The following DGKK variants were observed in gnomAD, a reference collection of about 807,000 sequenced individuals.
DGKK encodes the protein diacylglycerol kinase kappa, also known as 142 kDa diacylglycerol kinase.
In DGKK, 35 loss-of-function variants were observed where a neutral mutation model predicts 92.2. The ratio of observed to expected loss-of-function variants is 0.38; its 90% CI spans 0.29 to 0.50. The LOEUF is 0.50. Ranked by LOEUF, DGKK falls within the 20% of genes least tolerant of loss-of-function variation. The pLI is 0.92. For synonymous variants in DGKK, 368 were observed against 360.6 expected, an observed-to-expected ratio of 1.02 and a Z score of -0.23; for missense variants, 910 against 992.2, an observed-to-expected ratio of 0.92 and a Z score of 1.11.
chrX:50,379,374 C>T (rs1475634766), intron 20 of DGKK, among the ~76,000 whole-genome samples: 2 of 109,202 alleles, frequency 1.8e-5, no homozygotes, highest in African/African-American at 3.3e-5. Context: ...CTGTCAGACC[C>T]GAGGAATGGA....
chrX:50,388,011 A>G (rs1924592875), intron 13 of DGKK, among the ~76,000 whole-genome samples: 1 of 112,163 alleles, frequency 8.9e-6, no homozygotes, highest in Non-Finnish European at 1.9e-5. Context: ...GGCCCAGCTA[A>G]TTTAGTACAA....
chrX:50,382,571 T>C lies in DGKK; in HGVS notation c.2582A>G (p.Tyr861Cys), dbSNP rs782585742. 2.5e-6 allele frequency: 3 copies of C among 1,209,897 alleles called. No individual in the cohort carries two copies. The highest frequency in any genetic ancestry group is 2.2e-5 in the Admixed American group (1 of 45,928). ...RFKEKCVMNN[Y>C]FGIGLDAKIS... ...TTTAGCATCCAGTCCAATTCCGAAG[T>C]AGTTGTTCATGACACATTTTTCTTT... The change falls in exon 18 of 28, where the codon TAC becomes TGC. Residue 861 changes from tyrosine to cysteine, a missense_variant. Coordinates refer to ENST00000611977, the MANE Select transcript of DGKK (RefSeq NM_001013742.4).
Position 50,390,376 on chromosome X carries a change from T to A in DGKK, c.1878A>T (p.Gln626His), listed in dbSNP as rs1924655887. The A allele has an allele frequency of 1.7e-6, 2 of 1,211,311 alleles. No homozygotes were observed. Among genetic ancestry groups the A allele is most frequent in the African/African-American group, 3.5e-5 (2 of 57,855 alleles). ...WSVMIRETPR[Q>H]TPLLKGQVEM... ...CAACCTGTCCTTTTAGCAGCGGGGT[T>A]TGTCTGGGAGTCTCACGAATCATCA... The change falls in exon 12 of 28, where the codon CAA becomes CAT. Residue 626 changes from glutamine (Q) to histidine (H), a missense_variant. Transcript: ENST00000611977.
intron 1 of DGKK, among the ~76,000 whole-genome samples, chrX:50,463,484 C>G (rs1557233624): frequency 9.6e-6 from 1 of 104,208 alleles, no homozygotes; most frequent in African/African-American, 3.5e-5. Flanking sequence ...TCCTCTCTAC[C>G]TGTCCGGCTT....
intron 1 of DGKK, among the ~76,000 whole-genome samples, chrX:50,434,916 T>C (rs1925981268): frequency 9.0e-6 from 1 of 111,727 alleles, no homozygotes; most frequent in South Asian, 3.8e-4. Context: ...CTGAGAAACA[T>C]GTCATTAGGC....
At chrX:50,451,945 G>C (rs1557232486) in intron 1 of DGKK, among the ~76,000 whole-genome samples, 1 of 112,174 alleles carries the variant, frequency 8.9e-6, no homozygotes, top group East Asian at 2.8e-4. Context: ...AAACGGACCA[G>C]AGGTCATGAG....
At chrX:50,428,870 C>G (rs7062209) in intron 1 of DGKK, among the ~76,000 whole-genome samples, 251 of 112,031 alleles carry the variant, frequency 2.2e-3, no homozygotes, top group African/African-American at 7.5e-3. Flanking sequence ...AACCCCAAAA[C>G]CAATAGGCAG....
chrX:50,401,443 G>C (rs962166887), intron 7 of DGKK, among the ~76,000 whole-genome samples: 1 of 110,786 alleles, frequency 9.0e-6, no homozygotes. Flanking sequence ...TGCAGAATGG[G>C]GAACTTACAT....
Position 50,423,500 on chromosome X carries a change from C to T in DGKK, c.756+748G>A, listed in dbSNP as rs782559349. 2.7e-5 allele frequency among the ~76,000 whole-genome samples: 3 copies of T among 111,846 alleles called. No individual in the cohort carries two copies. In the East Asian group the frequency reaches 8.5e-4, roughly 32 times the overall value. ...AAGCCCTATTGTATTCTTTCTTGCT[C>T]GTTACACCCCTGTGTTAGCCAACAA... On this transcript the variant is annotated intron_variant, in intron 2 of 27. Transcript: ENST00000611977.
Position 50,470,471 on chromosome X carries a change from T to A in DGKK, c.208A>T (p.Thr70Ser). 8.3e-7 allele frequency: 1 copy of A among 1,212,008 alleles called. No individual in the cohort carries two copies. Among genetic ancestry groups the A allele is most frequent in the South Asian group, 1.8e-5 (1 of 57,004 alleles). Residue 70 changes from threonine to serine, a missense_variant, in exon 1 of 28, where the codon ACC becomes TCC. By Grantham distance (58) the Thr-to-Ser change is moderately conservative. Coordinates refer to ENST00000611977, the MANE Select transcript of DGKK (RefSeq NM_001013742.4). Reference protein sequence around the residue: ...ELAPGPCPEATSESATELYTE... With the variant: ...ELAPGPCPEASSESATELYTE... ...TACAGTTCTGTGGCTGATTCTGAGG[T>A]CGCCTCTGGACAGGGACCTGGAGCA...
At chrX:50,447,394 ATT>A (rs1491374122) in intron 1 of DGKK, among the ~76,000 whole-genome samples, 5 of 14,894 alleles carry the variant, frequency 3.4e-4, no homozygotes, top group African/African-American at 1.7e-3. Context: ...ATATATATAT[ATT>A]ATATATATAT....
intron 12 of DGKK, 71 bp downstream of exon 12, chrX:50,390,257 C>T (rs782581916): frequency 1.2e-4 from 124 of 1,025,409 alleles, no homozygotes; most frequent in Non-Finnish European, 1.6e-4. Context: ...AAAAGCTTCT[C>T]TCTGGGTTTT....
intron 1 of DGKK, among the ~76,000 whole-genome samples, chrX:50,442,816 C>G (rs1926200501): frequency 9.0e-6 from 1 of 110,856 alleles, no homozygotes; most frequent in African/African-American, 3.3e-5. Flanking sequence ...AAAAGCTTGG[C>G]TGTGGAAAGG....
At chrX:50,415,128 T>G (rs1925400794) in intron 4 of DGKK, among the ~76,000 whole-genome samples, 1 of 111,430 alleles carries the variant, frequency 9.0e-6, no homozygotes, top group Non-Finnish European at 1.9e-5. Flanking sequence ...CTTGCTTCTG[T>G]TCTAACAGAG....
At chrX:50,450,852 T>G (rs981490536) in intron 1 of DGKK, among the ~76,000 whole-genome samples, 1 of 111,681 alleles carries the variant, frequency 9.0e-6, no homozygotes, top group Non-Finnish European at 1.9e-5. Flanking sequence ...CTTGTCAGGG[T>G]AGCCAAACTT....
intron 8 of DGKK, among the ~76,000 whole-genome samples, chrX:50,399,511 G>A (rs1049240989): frequency 1.8e-5 from 2 of 112,081 alleles, no homozygotes; most frequent in African/African-American, 3.2e-5. Flanking sequence ...TCTTGGACCA[G>A]TGGATATCCC....
intron 1 of DGKK, among the ~76,000 whole-genome samples, chrX:50,436,214 A>G (rs1926020347): frequency 8.9e-6 from 1 of 112,287 alleles, no homozygotes; most frequent in African/African-American, 3.2e-5. Context: ...TCCTGGAGAA[A>G]TAATAGTGAA....
chrX:50,369,347 C>T (rs1158744448), intron 27 of DGKK, among the ~76,000 whole-genome samples: 2 of 111,394 alleles, frequency 1.8e-5, no homozygotes, highest in South Asian at 3.9e-4. Context: ...AAATACAGCT[C>T]GATCCAAGAG....
chrX:50,384,113 C>T, intron 17 of DGKK, 55 bp downstream of exon 17: 3 of 796,257 alleles, frequency 3.8e-6, no homozygotes, highest in Non-Finnish European at 5.3e-6. Context: ...TAAGATTGTG[C>T]TCTTAACAAG....
Sources: allele counts gnomAD v4.1 joint callset (sites outside exome capture counted in the v4.1 genomes callset), GRCh38; gene constraint gnomAD v4.1.1; transcripts MANE v1.5; gene names NCBI Gene and HGNC (gene_info 2026-07-23, HGNC 2026-07-21).